Variants in CSMD1 observed in about 807,000 individuals in gnomAD.
CSMD1 encodes the protein CUB and sushi domain-containing protein 1.
In CSMD1, 213 loss-of-function variants were observed where a neutral mutation model predicts 417.5. That is an observed-to-expected ratio of 0.51 (90% CI 0.46 to 0.57). The LOEUF is 0.57. CSMD1 is among the 20% of genes least tolerant of loss of function. The probability of loss-of-function intolerance (pLI) is 0.00; values close to 1 mark genes in which losing one functional copy is unlikely to be tolerated. For synonymous variants in CSMD1, 2,862 were observed against 1,736.8 expected (o/e 1.65, Z -16.11); for missense variants, 6,923 against 4,529.7 (o/e 1.53, Z -15.17).
chr8:3,239,587 T>C (rs995820149), intron 26 of CSMD1, among the ~76,000 whole-genome samples: 11 of 151,938 alleles, frequency 7.2e-5, no homozygotes, highest in Non-Finnish European at 1.2e-4. Context: ...CTGAATAATC[T>C]CTGAGAAGTA....
At chr8:3,778,977 T>G (rs113193807) in intron 5 of CSMD1, among the ~76,000 whole-genome samples, 1 of 152,272 alleles carries the variant, frequency 6.6e-6, no homozygotes, top group African/African-American at 2.4e-5. Context: ...GTTCTTTTCA[T>G]TTGCAGCACT....
chr8:4,028,900 G>A (rs1242280657), intron 4 of CSMD1, among the ~76,000 whole-genome samples: 2 of 152,160 alleles, frequency 1.3e-5, no homozygotes, highest in Non-Finnish European at 2.9e-5. Context: ...AAGAGTTGAA[G>A]TATGCTCTTT....
intron 1 of CSMD1, among the ~76,000 whole-genome samples, chr8:4,777,681 T>C (rs1013404864): frequency 1.3e-5 from 2 of 152,170 alleles, no homozygotes; most frequent in African/African-American, 4.8e-5. Flanking sequence ...AGTTTTGCCG[T>C]TAAAAACAAT....
At chr8:4,985,557 G>C (rs368500040) in intron 1 of CSMD1, among the ~76,000 whole-genome samples, 57 of 152,174 alleles carry the variant, frequency 3.7e-4, no homozygotes, top group African/African-American at 1.3e-3. Flanking sequence ...CATTGTTAAG[G>C]ATCATATCAG....
intron 40 of CSMD1, among the ~76,000 whole-genome samples, chr8:3,150,911 TA>T (rs532546261): frequency 1.3e-5 from 2 of 152,216 alleles, no homozygotes; most frequent in South Asian, 4.1e-4. Flanking sequence ...AACTAGATAT[TA>T]AAAAAACAAC....
At chr8:4,953,873 C>A (rs1411474857) in intron 1 of CSMD1, among the ~76,000 whole-genome samples, 1 of 151,984 alleles carries the variant, frequency 6.6e-6, no homozygotes, top group Non-Finnish European at 1.5e-5. Context: ...AGGACTCAAC[C>A]CTGGGCTTAG....
intron 1 of CSMD1, among the ~76,000 whole-genome samples, chr8:4,775,577 TA>T (rs1343747737): frequency 4.6e-5 from 7 of 152,112 alleles, no homozygotes; most frequent in Non-Finnish European, 2.9e-5. Context: ...AAAGACAGAA[TA>T]AAAAAGATAT....
chr8:3,073,859 T>A (rs1813468693), intron 49 of CSMD1, among the ~76,000 whole-genome samples: 1 of 152,172 alleles, frequency 6.6e-6, no homozygotes, highest in African/African-American at 2.4e-5. Context: ...AATGAGTGAT[T>A]TTTTTTGTTT....
At chr8:3,171,451 C>T (rs1585547472) in intron 37 of CSMD1, among the ~76,000 whole-genome samples, 2 of 152,156 alleles carry the variant, frequency 1.3e-5, no homozygotes, top group Admixed American at 6.5e-5. Flanking sequence ...TGTCTAGAGC[C>T]TTGATCAAAA....
intron 2 of CSMD1, among the ~76,000 whole-genome samples, chr8:4,610,958 T>A (rs1053044743): frequency 2.0e-5 from 3 of 152,214 alleles, no homozygotes; most frequent in Admixed American, 1.3e-4. Context: ...AAATTGTAGT[T>A]TTAAAACTTA....
intron 2 of CSMD1, among the ~76,000 whole-genome samples, chr8:4,565,209 C>G (rs944410505): frequency 6.6e-6 from 1 of 152,114 alleles, no homozygotes; most frequent in African/African-American, 2.4e-5. Context: ...TATTTATGTT[C>G]TATGTAATAA....
chr8:4,425,860 T>C (rs1237265838), intron 2 of CSMD1, among the ~76,000 whole-genome samples: 3 of 152,108 alleles, frequency 2.0e-5, no homozygotes, highest in South Asian at 2.1e-4. Context: ...ACGTTACTGA[T>C]AAACTTTGAA....
At chr8:3,412,986 ACAC>A (rs1465328289) in intron 12 of CSMD1, among the ~76,000 whole-genome samples, 1 of 152,180 alleles carries the variant, frequency 6.6e-6, no homozygotes, top group Admixed American at 6.5e-5. Flanking sequence ...AGGAGTCCAG[ACAC>A]CACATTTGGT....
intron 42 of CSMD1, among the ~76,000 whole-genome samples, chr8:3,114,646 A>C (rs1451246686): frequency 2.0e-5 from 3 of 152,000 alleles, no homozygotes; most frequent in African/African-American, 7.2e-5. Context: ...TTGGTAATGG[A>C]GATTTTAAAG....
intron 1 of CSMD1, among the ~76,000 whole-genome samples, chr8:4,917,863 T>C (rs367893711): frequency 9.2e-5 from 14 of 152,090 alleles, no homozygotes; most frequent in African/African-American, 3.1e-4. Flanking sequence ...ACTGTAACAT[T>C]TGAGATGGGC....
chr8:4,545,269 C>T (rs1797579175), intron 2 of CSMD1, among the ~76,000 whole-genome samples: 1 of 152,184 alleles, frequency 6.6e-6, no homozygotes, highest in Admixed American at 6.6e-5. Context: ...AGTGCTTTCT[C>T]AATGAAAGAT....
intron 3 of CSMD1, among the ~76,000 whole-genome samples, chr8:4,109,115 T>C (rs1393275224): frequency 1.3e-5 from 2 of 152,196 alleles, no homozygotes; most frequent in African/African-American, 4.8e-5. Flanking sequence ...AAATCATCTC[T>C]AGATTATTTA....
intron 4 of CSMD1, among the ~76,000 whole-genome samples, chr8:4,027,763 A>T (rs1797137824): frequency 6.6e-6 from 1 of 152,212 alleles, no homozygotes; most frequent in Admixed American, 6.5e-5. Flanking sequence ...GGAAATAAAT[A>T]ACTAAAATAA....
At position 3,865,510 on chromosome 8, in the gene CSMD1, G is replaced by C. The variant is rs531316283; in HGVS notation, c.819-111468C>G. 2.6e-5 allele frequency among the ~76,000 whole-genome samples: 4 copies of C among 151,988 alleles called. No individual in the cohort carries two copies. The South Asian group carries it at 6.2e-4, about 24-fold the overall frequency. On this transcript the variant is annotated intron_variant, in intron 5 of 69. Coordinates refer to ENST00000635120, the MANE Select transcript of CSMD1 (RefSeq NM_033225.6). ...GAAATCAGAAAAGGGTGACAATAGT[G>C]GGGGAAAGAGTTGGGGGTGGAGGCA...
Sources: gnomAD v4.1 joint callset for allele counts (sites outside exome capture counted in the v4.1 genomes callset) on GRCh38, gnomAD v4.1.1 for gene constraint, MANE v1.5 for transcripts, NCBI Gene and HGNC (gene_info 2026-07-23, HGNC 2026-07-21) for gene names.